Variants in RALYL observed in about 807,000 individuals in gnomAD.
RALYL encodes RNA-binding Raly-like protein.
RALYL carries 29 observed loss-of-function variants against 35.1 expected under a neutral mutation model. The ratio of observed to expected loss-of-function variants is 0.83; its 90% confidence interval spans 0.61 to 1.13. The LOEUF (loss-of-function observed/expected upper bound fraction) is 1.13. RALYL is among the 50% of genes most tolerant of loss of function. The probability of loss-of-function intolerance (pLI) is 0.00; values close to 1 mark genes in which losing one functional copy is unlikely to be tolerated. For synonymous variants in RALYL, 120 were observed against 127.6 expected (o/e 0.94, Z 0.40); for missense variants, 359 against 360.4 (o/e 1.00, Z 0.03).
At chr8:84,436,165 G>A (rs930475103) in intron 1 of RALYL, among the ~76,000 whole-genome samples, 1 of 152,060 alleles carries the variant, frequency 6.6e-6, no homozygotes, top group Non-Finnish European at 1.5e-5. Context: ...ATTTGAAGAA[G>A]ATTAAATATT....
chr8:84,481,273 A>G (rs534033888), intron 1 of RALYL, among the ~76,000 whole-genome samples: 14 of 152,154 alleles, frequency 9.2e-5, no homozygotes, highest in Non-Finnish European at 2.1e-4. Context: ...ATCCTGTAAC[A>G]TTATAAAATT....
chr8:84,230,838 G>A (rs1352520601), intron 1 of RALYL, among the ~76,000 whole-genome samples: 2 of 152,204 alleles, frequency 1.3e-5, no homozygotes, highest in East Asian at 3.9e-4. Context: ...TGGGGAATAA[G>A]GAAATGATTC....
intron 3 of RALYL, among the ~76,000 whole-genome samples, chr8:84,793,871 C>A (rs150644316): frequency 1.3e-5 from 2 of 152,248 alleles, no homozygotes; most frequent in Non-Finnish European, 2.9e-5. Flanking sequence ...AATTAACCAG[C>A]CAGACCAGTA....
intron 4 of RALYL, among the ~76,000 whole-genome samples, chr8:84,808,682 A>G (rs1351396133): frequency 6.6e-6 from 1 of 152,102 alleles, no homozygotes; most frequent in Non-Finnish European, 1.5e-5. Context: ...GATTTCTTTC[A>G]GCAGTGTTTT....
rs566477985 is a variant in RALYL, at chr8:84,501,079, T to C, written c.-23-28220T>C. On this transcript the variant is annotated intron_variant, in intron 1 of 8. Transcript: ENST00000521268. ...GTCATCATCTATGGCGCCATTTACA[T>C]ATGGAATTCTTATCATAGTCATTAA... is the stretch of plus-strand genomic sequence containing the variant. Among the ~76,000 whole-genome samples the C allele has an allele frequency of 3.3e-5, 5 of 152,274 alleles. No homozygotes were observed. The East Asian group carries it at 9.6e-4, about 29-fold the overall frequency.
At chr8:84,787,291 A>G (rs1819760229) in intron 3 of RALYL, among the ~76,000 whole-genome samples, 1 of 151,986 alleles carries the variant, frequency 6.6e-6, no homozygotes, top group Admixed American at 6.6e-5. Context: ...TAGTTTGATG[A>G]GAATGATGGT....
chr8:84,876,690 G>T (rs1841215219), intron 7 of RALYL, among the ~76,000 whole-genome samples: 1 of 114,408 alleles, frequency 8.7e-6, no homozygotes, highest in Non-Finnish European at 1.6e-5. Flanking sequence ...ACATTATTTA[G>T]TTCAATTTTA....
intron 1 of RALYL, among the ~76,000 whole-genome samples, chr8:84,505,612 G>T (rs2057101483): frequency 6.6e-6 from 1 of 151,930 alleles, no homozygotes; most frequent in Admixed American, 6.6e-5. Flanking sequence ...TGTCACATGG[G>T]TATATTGCAC....
intron 2 of RALYL, among the ~76,000 whole-genome samples, chr8:84,560,692 T>C (rs1346693521): frequency 6.6e-6 from 1 of 151,968 alleles, no homozygotes; most frequent in Non-Finnish European, 1.5e-5. Flanking sequence ...TGGCAAATGA[T>C]ACTGGAGACC....
intron 8 of RALYL, among the ~76,000 whole-genome samples, chr8:84,892,628 C>A (rs868781803): frequency 0.024 from 3,401 of 140,702 alleles, 141 homozygotes; most frequent in African/African-American, 0.087. Context: ...AAAAAAAAAA[C>A]CAACATGGCA....
At chr8:84,343,872 TTTTG>T (rs1295852169) in intron 1 of RALYL, among the ~76,000 whole-genome samples, 23 of 118,934 alleles carry the variant, frequency 1.9e-4, no homozygotes, top group Non-Finnish European at 3.4e-4. Flanking sequence ...TCAAGAGTTT[TTTTG>T]TTTGTTTGTT....
chr8:84,268,913 G>A (rs866804953), intron 1 of RALYL, among the ~76,000 whole-genome samples: 1 of 152,114 alleles, frequency 6.6e-6, no homozygotes, highest in Admixed American at 6.5e-5. Flanking sequence ...AATGTTATGC[G>A]ATAATCTACT....
intron 5 of RALYL, among the ~76,000 whole-genome samples, chr8:84,861,730 A>G (rs1838143776): frequency 6.6e-6 from 1 of 152,216 alleles, no homozygotes; most frequent in Admixed American, 6.5e-5. Flanking sequence ...TTTGTTACTG[A>G]AAAGATTCTT....
At chr8:84,657,814 G>T (rs1296000407) in intron 2 of RALYL, among the ~76,000 whole-genome samples, 1 of 152,152 alleles carries the variant, frequency 6.6e-6, no homozygotes, top group Non-Finnish European at 1.5e-5. Flanking sequence ...GATTGGAGTA[G>T]ATTCCACCAA....
chr8:84,525,566 A>G (rs1476522596), intron 1 of RALYL, among the ~76,000 whole-genome samples: 1 of 152,020 alleles, frequency 6.6e-6, no homozygotes, highest in Admixed American at 6.6e-5. Context: ...AATTTTCTTG[A>G]ATATTTTTCT....
At chr8:84,663,517 G>T (rs1831313969) in intron 2 of RALYL, among the ~76,000 whole-genome samples, 1 of 152,044 alleles carries the variant, frequency 6.6e-6, no homozygotes, top group Admixed American at 6.6e-5. Flanking sequence ...TAGCCATTCT[G>T]ACTGGTGTGT....
chr8:84,326,992 T>C (rs149401435), intron 1 of RALYL, among the ~76,000 whole-genome samples: 4 of 152,354 alleles, frequency 2.6e-5, no homozygotes, highest in African/African-American at 9.6e-5. Flanking sequence ...CTGCCTCTGA[T>C]ATTCATGAGA....
chr8:84,818,604 T>C (rs1337987135), intron 4 of RALYL, among the ~76,000 whole-genome samples: 1 of 152,188 alleles, frequency 6.6e-6, no homozygotes, highest in Non-Finnish European at 1.5e-5. Flanking sequence ...AGGGAGAATC[T>C]GTATTGAGAA....
chr8:84,600,530 A>C (rs1165977054), intron 2 of RALYL, among the ~76,000 whole-genome samples: 3 of 152,018 alleles, frequency 2.0e-5, no homozygotes, highest in African/African-American at 4.8e-5. Context: ...AGGTAAAAGG[A>C]GGTTGGTATT....
Sources: gnomAD v4.1 joint callset for allele counts (sites outside exome capture counted in the v4.1 genomes callset) on GRCh38, gnomAD v4.1.1 for gene constraint, MANE v1.5 for transcripts, NCBI Gene and HGNC (gene_info 2026-07-23, HGNC 2026-07-21) for gene names.